TARS3: variants seen among roughly 807,000 people sequenced by gnomAD.
TARS3 encodes the protein threonyl-tRNA synthetase 3.
TARS3 carries 94 observed loss-of-function variants against 103.5 expected under a neutral mutation model. The ratio of observed to expected loss-of-function variants is 0.91; its 90% CI spans 0.77 to 1.08. TARS3 has a LOEUF of 1.08. Among genes scored for constraint, TARS3 ranks in the 50% least tolerant of loss-of-function variants. The probability of loss-of-function intolerance (pLI) is 0.00; values close to 1 mark genes in which losing one functional copy is unlikely to be tolerated. For missense variants in TARS3, 952 were observed against 995.2 expected (o/e 0.96, Z 0.58); for synonymous variants, 416 against 355.4 (o/e 1.17, Z -1.92).
At chr15:101,701,694 T>C (rs1378877186) in intron 9 of TARS3, among the ~76,000 whole-genome samples, 1 of 152,172 alleles carries the variant, frequency 6.6e-6, no homozygotes, top group Non-Finnish European at 1.5e-5. Context: ...GCCGAGCTGC[T>C]TTCCAGTCTG....
chr15:101,687,353 AG>A (rs1277752068), intron 10 of TARS3, among the ~76,000 whole-genome samples: 1 of 152,212 alleles, frequency 6.6e-6, no homozygotes, highest in African/African-American at 2.4e-5. Context: ...CAGTGAGCCA[AG>A]GTCACGCCAT....
At chr15:101,715,042 G>GT in intron 3 of TARS3, 79 bp from the exon 4 acceptor site, 11 of 1,391,606 alleles carry the variant, frequency 7.9e-6, no homozygotes, top group East Asian at 2.5e-5. Context: ...GAATTTCTAG[G>GT]GTTTTTTTTT....
intron 10 of TARS3, among the ~76,000 whole-genome samples, chr15:101,689,063 G>C (rs1898594883): frequency 6.6e-6 from 1 of 152,190 alleles, no homozygotes; most frequent in African/African-American, 2.4e-5. Flanking sequence ...ATGCTTGGGA[G>C]TTGAGATTGT....
intron 13 of TARS3, 123 bp from the exon 14 acceptor site, chr15:101,671,871 C>T: frequency 1.3e-6 from 1 of 763,556 alleles, no homozygotes; most frequent in Admixed American, 2.8e-5. Flanking sequence ...ATTTATTGAG[C>T]ATCTTTTACA....
intron 10 of TARS3, among the ~76,000 whole-genome samples, chr15:101,699,040 T>G (rs1899122649): frequency 1.3e-5 from 2 of 152,262 alleles, no homozygotes; most frequent in African/African-American, 4.8e-5. Flanking sequence ...CAGTCCTTAA[T>G]AGTGGCAGAG....
chr15:101,700,159 A>G (rs1162347958), intron 10 of TARS3, among the ~76,000 whole-genome samples: 2 of 152,212 alleles, frequency 1.3e-5, no homozygotes, highest in African/African-American at 4.8e-5. Flanking sequence ...GTAAATGAAA[A>G]ATTTAGGTAA....
At chr15:101,706,218 C>T (rs932226971) in intron 6 of TARS3, among the ~76,000 whole-genome samples, 2 of 152,148 alleles carry the variant, frequency 1.3e-5, no homozygotes, top group African/African-American at 4.8e-5. Flanking sequence ...AAACTCCTGA[C>T]CTCTAGTGAT....
chr15:101,724,357 C>CGGCCTCCGCCGCCAG lies in TARS3; in HGVS notation c.16_30dup (p.Leu6_Ala10dup). ...TCCTGCCGCTCCAGGCGCGACGCCACGGCCTCCGCCGCCAGGGCCTCGGCC... is the reference window on the plus strand; with the variant it reads ...TCCTGCCGCTCCAGGCGCGACGCCACGGCCTCCGCCGCCAGGGCCTCCGCCGCCAGGGCCTCGGCC... On this transcript the variant is annotated inframe_insertion, in exon 1 of 19. Transcript: ENST00000335968. The CGGCCTCCGCCGCCAG allele has an allele frequency of 6.5e-7, 1 of 1,540,070 alleles. No individual in the cohort carries two copies.
intron 15 of TARS3, among the ~76,000 whole-genome samples, chr15:101,665,334 A>G (rs1897540150): frequency 6.7e-6 from 1 of 150,232 alleles, no homozygotes; most frequent in Admixed American, 6.6e-5. Context: ...ATTTCTCATC[A>G]GAAACCATAA....
chr15:101,717,776 A>G (rs1377072516), intron 3 of TARS3, among the ~76,000 whole-genome samples: 4 of 152,194 alleles, frequency 2.6e-5, no homozygotes, highest in Non-Finnish European at 5.9e-5. Flanking sequence ...CTGGCCACCC[A>G]CGTCTAGACT....
rs1038173243 is a variant in TARS3 at position 101,676,800 on chromosome 15, C to A, written c.1651-1063G>T. ...GGGATTATAGGCATGAGCCACTACA[C>A]CCTTTTTTTTTTTTTTTTAAGTTCC... On this transcript the variant is annotated intron_variant, in intron 12 of 18. Coordinates refer to ENST00000335968, the MANE Select transcript of TARS3 (RefSeq NM_152334.3). 2.0e-5 allele frequency among the ~76,000 whole-genome samples: 3 copies of A among 147,874 alleles called. No homozygotes were observed. The East Asian group carries it at 5.8e-4, about 29-fold the overall frequency.
rs1899890815 is a variant in TARS3 at position 101,711,957 on chromosome 15, C to T, written c.735G>A (p.Glu245=). ...SSAHILGEAM[E]LYYGGHLCYG... Reference sequence around the variant, plus strand: ...AGCACAGGTGGCCTCCATAGTAAAGCTCCATGGCCTCCCCAAGAATGTGAG... The same window carrying T: ...AGCACAGGTGGCCTCCATAGTAAAGTTCCATGGCCTCCCCAAGAATGTGAG... The change falls in exon 5 of 19, where the codon GAG becomes GAA. Residue 245 remains glutamate, a synonymous_variant. Coordinates refer to ENST00000335968, the MANE Select transcript of TARS3 (RefSeq NM_152334.3). The T allele has an allele frequency of 6.2e-7, 1 of 1,613,812 alleles. No individual in the cohort carries two copies. Among genetic ancestry groups the T allele is most frequent in the South Asian group, 1.1e-5 (1 of 91,068 alleles).
At chr15:101,682,936 C>CA (rs1178652862) in intron 12 of TARS3, among the ~76,000 whole-genome samples, 1 of 152,142 alleles carries the variant, frequency 6.6e-6, no homozygotes, top group African/African-American at 2.4e-5. Flanking sequence ...ATTCATAAAA[C>CA]TGCCTTATCT....
chr15:101,671,666 C>T lies in TARS3; in HGVS notation c.1866+5G>A, dbSNP rs777225060. 2.5e-6 allele frequency: 4 copies of T among 1,613,928 alleles called. No homozygotes were observed. The highest frequency in any genetic ancestry group is 2.5e-6 in the Non-Finnish European group (3 of 1,179,894). On this transcript the variant is annotated splice_donor_5th_base_variant and intron_variant, in intron 14 of 18. Transcript: ENST00000335968. ...TTGCTGTTTTGAAGCATGTGGTCGA[C>T]TCACTTTAGGGCCATAAAATGCTCC...
intron 6 of TARS3, among the ~76,000 whole-genome samples, chr15:101,707,453 G>C (rs1167830617): frequency 6.6e-6 from 1 of 152,180 alleles, no homozygotes; most frequent in Non-Finnish European, 1.5e-5. Flanking sequence ...TTTACAGGTG[G>C]ATGAATGGAT....
intron 3 of TARS3, among the ~76,000 whole-genome samples, chr15:101,719,856 G>T (rs151187765): frequency 9.7e-4 from 148 of 152,312 alleles, no homozygotes; most frequent in African/African-American, 3.4e-3. Context: ...CTTCTAGACG[G>T]TTAGCTTGCA....
chr15:101,716,855 AT>A (rs34234379), intron 3 of TARS3, among the ~76,000 whole-genome samples: 61 of 131,622 alleles, frequency 4.6e-4, no homozygotes, highest in African/African-American at 8.3e-4. Flanking sequence ...CTACAATGTA[AT>A]TTTTTTTTTT....
intron 15 of TARS3, among the ~76,000 whole-genome samples, chr15:101,665,440 A>G (rs1897543800): frequency 6.6e-6 from 1 of 152,256 alleles, no homozygotes; most frequent in Non-Finnish European, 1.5e-5. Context: ...TAAGCAGTTC[A>G]TCAAAATATT....
chr15:101,676,591 C>T lies in TARS3; in HGVS notation c.1651-854G>A, dbSNP rs149334562. ...TTGGCTCACTGCAACCTCTGCCTCTCGGGTTCAAGCGGTTCTCATGCCTCA... is the reference window on the plus strand; with the variant it reads ...TTGGCTCACTGCAACCTCTGCCTCTTGGGTTCAAGCGGTTCTCATGCCTCA... On this transcript the variant is annotated intron_variant, in intron 12 of 18. Coordinates refer to ENST00000335968, the MANE Select transcript of TARS3 (RefSeq NM_152334.3). Among the ~76,000 whole-genome samples the T allele has an allele frequency of 3.7e-3, 564 of 152,138 alleles. 2 individuals are homozygous for T. The highest frequency in any genetic ancestry group is 0.013 in the African/African-American group (527 of 41,506).
Sources: allele counts gnomAD v4.1 joint callset (sites outside exome capture counted in the v4.1 genomes callset), GRCh38; gene constraint gnomAD v4.1.1; transcripts MANE v1.5; gene names NCBI Gene and HGNC (gene_info 2026-07-23, HGNC 2026-07-21).